The following PGBD5 variants were observed in gnomAD, a reference collection of about 807,000 sequenced individuals.
PGBD5 encodes piggyBac transposable element-derived protein 5.
PGBD5 carries 14 observed loss-of-function variants against 47.9 expected under a neutral mutation model. The observed-to-expected ratio is 0.29, with a 90% CI of 0.19 to 0.46. The LOEUF is 0.46. PGBD5 is among the 20% of genes least tolerant of loss of function. The probability of loss-of-function intolerance (pLI) is 1.00; values close to 1 mark genes in which losing one functional copy is unlikely to be tolerated. For missense variants in PGBD5, 635 were observed against 716.0 expected (o/e 0.89, Z 1.29); for synonymous variants, 316 against 306.3 (o/e 1.03, Z -0.33).
chr1:230,393,833 AAAAAAAAAAAAT>A (rs1656852667), intron 1 of PGBD5, among the ~76,000 whole-genome samples: 1 of 150,952 alleles, frequency 6.6e-6, no homozygotes, highest in South Asian at 2.1e-4. Flanking sequence ...TCAAAAAAAA[AAAAAAAAAAAAT>A]AATAGGCCCG....
At chr1:230,416,157 A>G (rs1241883771) in intron 1 of PGBD5, among the ~76,000 whole-genome samples, 1 of 152,178 alleles carries the variant, frequency 6.6e-6, no homozygotes, top group Non-Finnish European at 1.5e-5. Flanking sequence ...AGCAGGTTGT[A>G]GAAGCTCAAG....
At chr1:230,341,587 A>G (rs1428854008) in intron 3 of PGBD5, among the ~76,000 whole-genome samples, 1 of 152,180 alleles carries the variant, frequency 6.6e-6, no homozygotes, top group South Asian at 2.1e-4. Flanking sequence ...TACTTTCTAC[A>G]AGAGCTCCCC....
Position 230,315,658 on chromosome 1 carries a change from C to A in PGBD5, c.*7767G>T, listed in dbSNP as rs1452689801. On this transcript the variant is annotated 3_prime_UTR_variant, in exon 7 of 7. Transcript: ENST00000391860. ...GCAGAGGCTCATCATGTGGTAGACT[C>A]TGTATTTTATCGTGTGTGTATGTGT... 6.6e-6 allele frequency: 1 copy of A among 151,480 alleles called. No homozygotes were observed. Among genetic ancestry groups the A allele is most frequent in the Non-Finnish European group, 1.5e-5 (1 of 67,884 alleles). The allele number at this position is 151,480 out of a possible 1,614,324, so 9.4% of individuals were successfully genotyped here.
At chr1:230,411,824 C>T (rs6700411) in intron 1 of PGBD5, among the ~76,000 whole-genome samples, 25,083 of 151,996 alleles carry the variant, frequency 0.17, 2,703 homozygotes, top group Admixed American at 0.33. Context: ...AAATTCACTT[C>T]GTCAACAAAT....
At chr1:230,382,834 G>A (rs543084420) in intron 1 of PGBD5, among the ~76,000 whole-genome samples, 2 of 152,064 alleles carry the variant, frequency 1.3e-5, no homozygotes, top group Non-Finnish European at 2.9e-5. Flanking sequence ...AAAGAATGGG[G>A]GCATGGGTCC....
chr1:230,374,289 C>T (rs1253895846), intron 1 of PGBD5, among the ~76,000 whole-genome samples: 4 of 151,930 alleles, frequency 2.6e-5, no homozygotes, highest in East Asian at 3.9e-4. Context: ...TGGTGGCAGG[C>T]GCCTGTAATC....
chr1:230,377,529 GC>G (rs1337902657), intron 1 of PGBD5: 1 of 1,612,600 alleles, frequency 6.2e-7, no homozygotes, highest in African/African-American at 1.3e-5. Context: ...GCAGATCCCG[GC>G]CGGGCACTAT....
At chr1:230,387,555 T>TG (rs1460275719) in intron 1 of PGBD5, among the ~76,000 whole-genome samples, 3 of 152,024 alleles carry the variant, frequency 2.0e-5, no homozygotes, top group Non-Finnish European at 4.4e-5. Context: ...CCAGGCCTGG[T>TG]GGGAAAAAAG....
intron 4 of PGBD5, among the ~76,000 whole-genome samples, chr1:230,335,736 C>CACAAACAGA (rs1491154903): frequency 1.3e-5 from 2 of 150,502 alleles, no homozygotes; most frequent in East Asian, 2.0e-4. Context: ...CACACACAGA[C>CACAAACAGA]TTACACAAAG....
At chr1:230,345,604 T>C (rs2102697316) in intron 3 of PGBD5, among the ~76,000 whole-genome samples, 1 of 152,300 alleles carries the variant, frequency 6.6e-6, no homozygotes, top group African/African-American at 2.4e-5. Context: ...ACTTATGATT[T>C]TTGACTTCAT....
At chr1:230,419,800 T>A (rs1051312658) in intron 1 of PGBD5, among the ~76,000 whole-genome samples, 1 of 152,302 alleles carries the variant, frequency 6.6e-6, no homozygotes, top group South Asian at 2.1e-4. Flanking sequence ...TATCATTTGA[T>A]GCTAAGGAGT....
At chr1:230,331,085 C>T (rs1667206024) in intron 5 of PGBD5, among the ~76,000 whole-genome samples, 1 of 152,018 alleles carries the variant, frequency 6.6e-6, no homozygotes, top group African/African-American at 2.4e-5. Flanking sequence ...TGATGTCCTG[C>T]CTTGAGATAC....
intron 3 of PGBD5, among the ~76,000 whole-genome samples, chr1:230,337,907 T>A (rs1178231521): frequency 6.6e-6 from 1 of 152,052 alleles, no homozygotes; most frequent in African/African-American, 2.4e-5. Context: ...ACCAAAGGGG[T>A]AGAGGCAGGA....
chr1:230,377,398 A>C (rs1668029889), intron 1 of PGBD5: 4 of 1,315,644 alleles, frequency 3.0e-6, no homozygotes, highest in Non-Finnish European at 4.3e-6. Context: ...AATCCTTCAT[A>C]AAGGCAGAAG....
intron 1 of PGBD5, among the ~76,000 whole-genome samples, chr1:230,411,944 A>C (rs1393870666): frequency 1.3e-5 from 2 of 152,224 alleles, no homozygotes; most frequent in African/African-American, 4.8e-5. Flanking sequence ...TCATGAGAAG[A>C]GCTTGACAAA....
chr1:230,365,524 G>A (rs749238773), intron 1 of PGBD5, among the ~76,000 whole-genome samples: 2 of 152,128 alleles, frequency 1.3e-5, no homozygotes, highest in African/African-American at 2.4e-5. Flanking sequence ...AACACGACAC[G>A]TGAGATTTCA....
At chr1:230,386,375 C>A (rs766209900) in intron 1 of PGBD5, among the ~76,000 whole-genome samples, 2 of 151,560 alleles carry the variant, frequency 1.3e-5, no homozygotes, top group Non-Finnish European at 2.9e-5. Context: ...TGTGAATATA[C>A]GAGTTTCACT....
chr1:230,387,545 C>G (rs891800941), intron 1 of PGBD5, among the ~76,000 whole-genome samples: 1 of 152,200 alleles, frequency 6.6e-6, no homozygotes, highest in Non-Finnish European at 1.5e-5. Context: ...GTGACTGAAT[C>G]CAGGCCTGGT....
chr1:230,382,878 G>T (rs1656545621), intron 1 of PGBD5, among the ~76,000 whole-genome samples: 1 of 152,082 alleles, frequency 6.6e-6, no homozygotes. Flanking sequence ...GGGAGAAGAG[G>T]AATGTTCAAG....
Sources: gnomAD v4.1 joint callset for allele counts (sites outside exome capture counted in the v4.1 genomes callset) on GRCh38, gnomAD v4.1.1 for gene constraint, MANE v1.5 for transcripts, NCBI Gene and HGNC (gene_info 2026-07-23, HGNC 2026-07-21) for gene names.